Variants in CLASP1 observed in about 807,000 individuals in gnomAD.
CLASP1 encodes cytoplasmic linker associated protein 1.
A neutral mutation model predicts 192.3 loss-of-function variants in CLASP1; 38 were observed. The ratio of observed to expected loss-of-function variants is 0.20; its 90% CI spans 0.15 to 0.26. The LOEUF is 0.26. CLASP1 is among the 10% of genes least tolerant of loss of function. The pLI, the probability that CLASP1 is intolerant of heterozygous loss-of-function variation, is 1.00. For synonymous variants in CLASP1, 691 were observed against 712.8 expected (o/e 0.97, Z 0.49); for missense variants, 1,433 against 1,932.5 (o/e 0.74, Z 4.85).
chr2:121,577,766 A>T (rs2060668565), intron 2 of CLASP1, among the ~76,000 whole-genome samples: 1 of 152,226 alleles, frequency 6.6e-6, no homozygotes, highest in African/African-American at 2.4e-5. Flanking sequence ...GATCTGGCAT[A>T]TAACTAGATA....
At chr2:121,492,301 ATG>A (rs2093345896) in intron 8 of CLASP1, among the ~76,000 whole-genome samples, 1 of 147,424 alleles carries the variant, frequency 6.8e-6, no homozygotes, top group African/African-American at 2.5e-5. Flanking sequence ...AGGCAGTAGA[ATG>A]GTGAGAACCC....
intron 2 of CLASP1, among the ~76,000 whole-genome samples, chr2:121,567,231 G>A (rs374019266): frequency 1.4e-4 from 22 of 152,254 alleles, no homozygotes; most frequent in Non-Finnish European, 3.1e-4. Context: ...ACAAACAGTC[G>A]AGCACCGCTG....
exon 19 of CLASP1, chr2:121,447,350 T>G (rs371072114): frequency 1.9e-6 from 3 of 1,591,586 alleles, no homozygotes; most frequent in African/African-American, 2.7e-5. Context: ...AGGATGCGTA[T>G]GACCCTGGAG....
intron 9 of CLASP1, among the ~76,000 whole-genome samples, 154 bp from the exon 10 acceptor site, chr2:121,462,759 T>C (rs1026718173): frequency 2.1e-4 from 32 of 152,152 alleles, no homozygotes; most frequent in African/African-American, 7.0e-4. Flanking sequence ...TGTCATGAAA[T>C]TGACAAACAT....
chr2:121,387,331 T>C, intron 31 of CLASP1, 103 bp from the exon 33 acceptor site: 1 of 827,686 alleles, frequency 1.2e-6, no homozygotes, highest in South Asian at 2.3e-5. Context: ...ATGGGTAGAA[T>C]CTGCCCAGGA....
intron 30 of CLASP1, among the ~76,000 whole-genome samples, chr2:121,394,505 G>A (rs138447446): frequency 2.0e-4 from 30 of 152,294 alleles, no homozygotes; most frequent in Admixed American, 9.1e-4. Context: ...CATGGGATGA[G>A]TTTCTCCCCT....
chr2:121,406,266 T>C (rs1460975807), intron 25 of CLASP1, among the ~76,000 whole-genome samples: 1 of 152,210 alleles, frequency 6.6e-6, no homozygotes, highest in Non-Finnish European at 1.5e-5. Context: ...TTTTAGAAAA[T>C]TTATAAAACA....
intron 8 of CLASP1, among the ~76,000 whole-genome samples, chr2:121,471,490 T>C (rs1292753923): frequency 6.6e-6 from 1 of 152,006 alleles, no homozygotes; most frequent in Non-Finnish European, 1.5e-5. Context: ...TCTTTACCAA[T>C]AAGTTTGAAA....
intron 1 of CLASP1, among the ~76,000 whole-genome samples, chr2:121,614,070 G>A (rs1206162110): frequency 6.6e-6 from 1 of 152,184 alleles, no homozygotes; most frequent in Non-Finnish European, 1.5e-5. Context: ...AGCTCATCAT[G>A]TAGTGGCTGG....
intron 1 of CLASP1, among the ~76,000 whole-genome samples, chr2:121,638,660 GTTC>G: frequency 7.0e-6 from 1 of 142,080 alleles, no homozygotes; most frequent in South Asian, 2.2e-4. Context: ...AAAGAATGGT[GTTC>G]TTTTTTATTT....
At chr2:121,620,476 A>T (rs185070335) in intron 1 of CLASP1, among the ~76,000 whole-genome samples, 21 of 152,024 alleles carry the variant, frequency 1.4e-4, no homozygotes, top group African/African-American at 4.3e-4. Context: ...TAGCATTCCA[A>T]GTAGCTGGGA....
intron 8 of CLASP1, among the ~76,000 whole-genome samples, chr2:121,499,332 T>C (rs1472684272): frequency 6.6e-6 from 1 of 152,102 alleles, no homozygotes; most frequent in East Asian, 1.9e-4. Context: ...AAGCCAAATA[T>C]TGTATGATTC....
intron 1 of CLASP1, among the ~76,000 whole-genome samples, chr2:121,628,204 T>C (rs776768195): frequency 9.2e-5 from 14 of 152,220 alleles, no homozygotes; most frequent in Non-Finnish European, 1.8e-4. Flanking sequence ...GCCTTAACAA[T>C]GTTAGTATAA....
intron 6 of CLASP1, among the ~76,000 whole-genome samples, chr2:121,523,949 C>T (rs1020818022): frequency 6.6e-6 from 1 of 152,212 alleles, no homozygotes; most frequent in Non-Finnish European, 1.5e-5. Flanking sequence ...GGATGGACTG[C>T]AGTGTGGTGC....
At chr2:121,609,980 T>G (rs1255667982) in intron 1 of CLASP1, among the ~76,000 whole-genome samples, 1 of 151,930 alleles carries the variant, frequency 6.6e-6, no homozygotes, top group Non-Finnish European at 1.5e-5. Flanking sequence ...TGTCACCAGT[T>G]TCCCATGTAT....
intron 9 of CLASP1, among the ~76,000 whole-genome samples, chr2:121,463,898 G>A (rs958044527): frequency 2.0e-5 from 3 of 151,300 alleles, no homozygotes; most frequent in South Asian, 2.1e-4. Flanking sequence ...ACAATGTGCC[G>A]GTTAGTTACA....
chr2:121,613,643 A>G (rs1029662817), intron 1 of CLASP1, among the ~76,000 whole-genome samples: 2 of 149,028 alleles, frequency 1.3e-5, no homozygotes, highest in African/African-American at 4.9e-5. Flanking sequence ...AAAAAAAAAT[A>G]GCACCTATCT....
chr2:121,415,780 G>A (rs1008886016), intron 23 of CLASP1, among the ~76,000 whole-genome samples: 7 of 152,000 alleles, frequency 4.6e-5, no homozygotes, highest in Non-Finnish European at 1.0e-4. Flanking sequence ...ACATGTTAAC[G>A]CTCTCACATT....
chr2:121,631,158 C>CAAAA lies in CLASP1; in HGVS notation c.-286+18210_-286+18213dup, dbSNP rs869087192. Among the ~76,000 whole-genome samples the CAAAA allele has an allele frequency of 6.9e-4, 45 of 65,132 alleles. 1 individual carries two copies. The highest frequency in any genetic ancestry group is 1.6e-3 in the South Asian group (2 of 1,232). The allele number at this position is 65,132 out of a possible 152,430, so 42.7% of individuals were successfully genotyped here. On this transcript the variant is annotated intron_variant, in intron 1 of 39. Coordinates refer to ENST00000263710, the Ensembl canonical transcript of CLASP1. The stretch of plus-strand genomic sequence containing the variant: ...TGGGTGACAAAGCGAGACTCCAGCT[C>CAAAA]AAAAAAAAAAAAAAAAAAAAAAAAG...
Sources: allele counts gnomAD v4.1 joint callset (sites outside exome capture counted in the v4.1 genomes callset), GRCh38; gene constraint gnomAD v4.1.1; transcripts MANE v1.5; gene names NCBI Gene and HGNC (gene_info 2026-07-23, HGNC 2026-07-21).